NUDCD1: variants seen among roughly 807,000 people sequenced by gnomAD.
The protein encoded by NUDCD1 is nudC domain-containing protein 1.
In NUDCD1, 60 loss-of-function variants were observed where a neutral mutation model predicts 67.8. The observed-to-expected ratio is 0.88, with a 90% CI of 0.72 to 1.10. NUDCD1 has a LOEUF of 1.10. Among genes scored for constraint, NUDCD1 ranks in the 50% least tolerant of loss-of-function variants. NUDCD1 has a pLI of 0.00. For missense variants in NUDCD1, 643 were observed against 695.0 expected (o/e 0.93, Z 0.84); for synonymous variants, 244 against 230.8 (o/e 1.06, Z -0.52).
At chr8:109,247,096 C>T (rs531933810) in intron 8 of NUDCD1, among the ~76,000 whole-genome samples, 1 of 152,264 alleles carries the variant, frequency 6.6e-6, no homozygotes, top group African/African-American at 2.4e-5. Context: ...TCCTTACTCC[C>T]GATGATCAGT....
chr8:109,294,782 C>A (rs1461840678), intron 3 of NUDCD1, among the ~76,000 whole-genome samples: 4 of 152,030 alleles, frequency 2.6e-5, no homozygotes, highest in Non-Finnish European at 5.9e-5. Context: ...CCTTTAATTT[C>A]TCTTTTTAAA....
chr8:109,245,926 T>C (rs1367502115), intron 8 of NUDCD1, among the ~76,000 whole-genome samples: 2 of 152,204 alleles, frequency 1.3e-5, no homozygotes, highest in Non-Finnish European at 2.9e-5. Context: ...GGAGCATTAC[T>C]GCCTGAGCTC....
intron 2 of NUDCD1, among the ~76,000 whole-genome samples, chr8:109,300,674 T>C (rs978828742): frequency 6.6e-5 from 10 of 152,126 alleles, no homozygotes; most frequent in African/African-American, 1.9e-4. Context: ...GGAAAACATA[T>C]TTGGGGGAAT....
At position 109,322,467 on chromosome 8, in the gene NUDCD1, A is replaced by C; in HGVS notation, c.119-4T>G. The C allele has an allele frequency of 6.3e-7, 1 of 1,578,850 alleles. No individual in the cohort carries two copies. Among genetic ancestry groups the C allele is most frequent in the Non-Finnish European group, 8.7e-7 (1 of 1,154,868 alleles). On this transcript the variant is annotated splice_polypyrimidine_tract_variant and splice_region_variant and intron_variant, in intron 1 of 9. Coordinates refer to ENST00000239690, the MANE Select transcript of NUDCD1 (RefSeq NM_032869.4). ...CGAAGTTTTACCTCTGCCACAGCTG[A>C]AATACAAGAAAAGCAAACATAAACA...
chr8:109,265,068 G>C (rs1813964165), intron 8 of NUDCD1, among the ~76,000 whole-genome samples: 4 of 152,054 alleles, frequency 2.6e-5, no homozygotes, highest in Admixed American at 2.6e-4. Context: ...TAAAAGGCTT[G>C]CTAAGAATAC....
chr8:109,266,224 T>G (rs1418180737), intron 8 of NUDCD1, among the ~76,000 whole-genome samples: 4 of 145,606 alleles, frequency 2.7e-5, no homozygotes, highest in Non-Finnish European at 6.0e-5. Flanking sequence ...AAAAATTTAT[T>G]AGTAATAATT....
At chr8:109,295,246 A>T (rs1324798160) in intron 3 of NUDCD1, among the ~76,000 whole-genome samples, 1 of 152,306 alleles carries the variant, frequency 6.6e-6, no homozygotes, top group East Asian at 1.9e-4. Flanking sequence ...AAATCTACAG[A>T]ATCCATACAG....
At chr8:109,316,771 T>C (rs1453322804) in intron 2 of NUDCD1, among the ~76,000 whole-genome samples, 1 of 152,218 alleles carries the variant, frequency 6.6e-6, no homozygotes, top group Non-Finnish European at 1.5e-5. Flanking sequence ...CCACCTGAGG[T>C]GCTTGATAAA....
intron 6 of NUDCD1, among the ~76,000 whole-genome samples, chr8:109,278,530 A>C (rs1189564362): frequency 6.6e-6 from 1 of 152,170 alleles, no homozygotes; most frequent in Non-Finnish European, 1.5e-5. Context: ...TTTCCACCAT[A>C]CAGGCAGTTC....
At chr8:109,243,591 C>G (rs1166010456) in intron 9 of NUDCD1, among the ~76,000 whole-genome samples, 1 of 152,094 alleles carries the variant, frequency 6.6e-6, no homozygotes, top group African/African-American at 2.4e-5. Flanking sequence ...AATTCGAACA[C>G]TAAAATTCTA....
Position 109,293,491 on chromosome 8 carries a change from T to C in NUDCD1, c.493A>G (p.Ile165Val). ...AGCAGTGAGATACTGTGAATTATAA[T>C]AAAAGGATCCCCAAGTTCTTCATTA... Reference protein sequence around the residue: ...MFNEELGDPFIIIHSISLLNA... With the variant: ...MFNEELGDPFVIIHSISLLNA... Residue 165 changes from isoleucine to valine, a missense_variant, in exon 4 of 10, where the codon ATT (isoleucine) becomes GTT (valine). Physicochemically the swap from Ile to Val is conservative, Grantham distance 29. Coordinates refer to ENST00000239690, the MANE Select transcript of NUDCD1 (RefSeq NM_032869.4). 2 of 1,564,178 alleles carry C rather than the reference T, an allele frequency of 1.3e-6. No individual in the cohort carries two copies. The highest frequency in any genetic ancestry group is 1.2e-5 in the South Asian group (1 of 82,814).
intron 2 of NUDCD1, chr8:109,298,961 G>A (rs184309015): frequency 4.6e-5 from 7 of 152,560 alleles, no homozygotes; most frequent in African/African-American, 1.7e-4. Context: ...GTAGGAAAGA[G>A]AGACCCCTCA....
At chr8:109,244,582 T>C (rs752499089) in intron 9 of NUDCD1, among the ~76,000 whole-genome samples, 1 of 152,156 alleles carries the variant, frequency 6.6e-6, no homozygotes, top group Non-Finnish European at 1.5e-5. Flanking sequence ...AAATTTCTTC[T>C]ACAATTAGGG....
intron 1 of NUDCD1, among the ~76,000 whole-genome samples, chr8:109,331,734 T>C (rs561216170): frequency 2.8e-4 from 43 of 152,284 alleles, no homozygotes; most frequent in Non-Finnish European, 5.7e-4. Flanking sequence ...TATGAAAAGA[T>C]AGATGAGTAA....
rs545336954 is a variant in NUDCD1, at chr8:109,296,273, C to T, written c.459+111G>A. 1,630 of 844,984 alleles carry T rather than the reference C, an allele frequency of 1.9e-3. 9 individuals carry two copies. Among genetic ancestry groups the T allele is most frequent in the Non-Finnish European group, 2.6e-3 (1,379 of 522,684 alleles). 52.3% of individuals were successfully genotyped at this position (844,984 alleles called of 1,614,324 possible). A position where few individuals can be genotyped will look rare whatever the true frequency, so the allele number is the denominator to read the frequency against. On this transcript the variant is annotated intron_variant, in intron 3 of 9. Coordinates refer to ENST00000239690, the MANE Select transcript of NUDCD1 (RefSeq NM_032869.4). Reference sequence around the variant, plus strand: ...GAGATCCAAAACATTATATATCAAACAAACAACAGATCACATGTAAACCAT... The same window carrying T: ...GAGATCCAAAACATTATATATCAAATAAACAACAGATCACATGTAAACCAT...
chr8:109,259,616 T>G (rs1469140679), intron 8 of NUDCD1, among the ~76,000 whole-genome samples: 1 of 152,142 alleles, frequency 6.6e-6, no homozygotes, highest in African/African-American at 2.4e-5. Flanking sequence ...AATGAGGAGC[T>G]GAAAAGGCAG....
At chr8:109,270,093 T>TGGGGGGGGGGG (rs1563665969) in intron 8 of NUDCD1, among the ~76,000 whole-genome samples, 1 of 6,548 alleles carries the variant, frequency 1.5e-4, no homozygotes, top group Non-Finnish European at 3.2e-4. Flanking sequence ...TGCCTTAAGG[T>TGGGGGGGGGGG]GGGGTGTGAA....
intron 2 of NUDCD1, among the ~76,000 whole-genome samples, chr8:109,318,476 A>G (rs901445690): frequency 6.6e-6 from 1 of 152,226 alleles, no homozygotes; most frequent in Non-Finnish European, 1.5e-5. Context: ...GATCAGAGAG[A>G]TCAGAGCATA....
chr8:109,277,126 T>A (rs534989415), intron 6 of NUDCD1, among the ~76,000 whole-genome samples: 6 of 152,172 alleles, frequency 3.9e-5, no homozygotes, highest in Non-Finnish European at 8.8e-5. Context: ...AATAAAGTAC[T>A]GTAAATATTA....
Sources: gnomAD v4.1 joint callset for allele counts (sites outside exome capture counted in the v4.1 genomes callset) on GRCh38, gnomAD v4.1.1 for gene constraint, MANE v1.5 for transcripts, NCBI Gene and HGNC (gene_info 2026-07-23, HGNC 2026-07-21) for gene names.